CAMK2A: variants seen among roughly 807,000 people sequenced by gnomAD.
CAMK2A encodes calcium/calmodulin dependent protein kinase II alpha.
CAMK2A carries 7 observed loss-of-function variants against 79.2 expected under a neutral mutation model. The observed-to-expected ratio is 0.09, with a 90% confidence interval of 0.05 to 0.17. CAMK2A has a LOEUF of 0.17. CAMK2A is among the 10% of genes least tolerant of loss of function. The pLI is 1.00. For synonymous variants in CAMK2A, 242 were observed against 251.7 expected (o/e 0.96, Z 0.36); for missense variants, 214 against 646.4 (o/e 0.33, Z 7.25).
At position 150,250,675 on chromosome 5, in the gene CAMK2A, G is replaced by A. The variant is rs148502604; in HGVS notation, c.816+13C>T. 446 of 1,613,926 alleles carry A rather than the reference G, an allele frequency of 2.8e-4. 3 individuals carry two copies. Among genetic ancestry groups the A allele is most frequent in the South Asian group, 2.1e-3 (193 of 91,068 alleles). ...AGGGGCTCCTGGGAGAAGTCCTGCT[G>A]AGGAAGGCTCACCGAGATCCAGGGG... On this transcript the variant is annotated intron_variant, in intron 10 of 18. Transcript: ENST00000671881.
In CAMK2A at chr5:150,257,626, G is replaced by T; in HGVS notation, c.218-9C>A. The T allele has an allele frequency of 6.4e-7, 1 of 1,563,344 alleles. No homozygotes were observed. Among genetic ancestry groups the T allele is most frequent in the East Asian group, 2.4e-5 (1 of 41,666 alleles). On this transcript the variant is annotated splice_polypyrimidine_tract_variant and intron_variant, in intron 3 of 18. Coordinates refer to ENST00000671881, the MANE Select transcript of CAMK2A (RefSeq NM_015981.4). ...GCTGTCATGTAGTCGGACTGTGGGC[G>T]GGGCAAGGCAGTTGGTTACAGTGGG...
In CAMK2A at chr5:150,249,553, GTTTT is replaced by G. The variant is rs36099826; in HGVS notation, c.900+669_900+672del. 2.1e-3 allele frequency among the ~76,000 whole-genome samples: 304 copies of G among 145,820 alleles called. 2 individuals carry two copies. The highest frequency in any genetic ancestry group is 7.1e-3 in the African/African-American group (282 of 39,968). ...GGAACACGTTCCCATTCTTTTTTTT[GTTTT>G]TTTTTTTTTGAGACAGAGTCTCTCT... On this transcript the variant is annotated intron_variant, in intron 11 of 18. Coordinates refer to ENST00000671881, the MANE Select transcript of CAMK2A (RefSeq NM_015981.4).
intron 1 of CAMK2A, among the ~76,000 whole-genome samples, chr5:150,282,452 C>T (rs544902601): frequency 6.6e-6 from 1 of 152,328 alleles, no homozygotes; most frequent in South Asian, 2.1e-4. Context: ...AGGGACATGC[C>T]AAGGGGTGAC....
Position 150,286,143 on chromosome 5 carries a change from T to C in CAMK2A, c.62+3421A>G, listed in dbSNP as rs535200476. Among the ~76,000 whole-genome samples, 99 of 152,302 alleles carry C rather than the reference T, an allele frequency of 6.5e-4. 1 individual carries two copies. The Middle Eastern group carries it at 0.014, about 21-fold the overall frequency. ...TCGGTGCCGCTAGGATCTGGGCTTT[T>C]ATTTCTCTCATCCTCAGGAGAGAAG... is the stretch of plus-strand genomic sequence containing the variant. On this transcript the variant is annotated intron_variant, in intron 1 of 18. Transcript: ENST00000671881.
chr5:150,260,678 C>G (rs1360869728), intron 3 of CAMK2A, among the ~76,000 whole-genome samples: 3 of 152,066 alleles, frequency 2.0e-5, no homozygotes, highest in Non-Finnish European at 4.4e-5. Context: ...GTATACAGTC[C>G]TTGAGAAGGC....
At chr5:150,288,443 G>A (rs1757523329) in intron 1 of CAMK2A, among the ~76,000 whole-genome samples, 1 of 152,128 alleles carries the variant, frequency 6.6e-6, no homozygotes, top group Non-Finnish European at 1.5e-5. Flanking sequence ...GCACATGCAT[G>A]AATGCTTGCA....
chr5:150,250,661 G>A (rs772023402), intron 10 of CAMK2A, 27 bp downstream of exon 10: 2 of 1,613,416 alleles, frequency 1.2e-6, no homozygotes. Flanking sequence ...GGGGCTCCTG[G>A]GAGAAGTCCT....
Position 150,289,706 on chromosome 5 carries a change from AC to A in CAMK2A, c.-82del. On this transcript the variant is annotated 5_prime_UTR_variant, in exon 1 of 19. Coordinates refer to ENST00000671881, the MANE Select transcript of CAMK2A (RefSeq NM_015981.4). The stretch of plus-strand genomic sequence containing the variant: ...TGCTGCTCTGCTCCCGAACCTAGGG[AC>A]CACTTGCCTGCCCGTGCTGCCGAGT... 8.7e-7 allele frequency: 1 copy of A among 1,143,394 alleles called. No homozygotes were observed. Among genetic ancestry groups the A allele is most frequent in the Non-Finnish European group, 1.3e-6 (1 of 773,078 alleles). 70.8% of individuals were successfully genotyped at this position (1,143,394 alleles called of 1,614,324 possible).
At chr5:150,261,205 G>A (rs73796385) in intron 3 of CAMK2A, among the ~76,000 whole-genome samples, 4,213 of 148,394 alleles carry the variant, frequency 0.028, 196 homozygotes, top group African/African-American at 0.097. Context: ...CTGGGCAAGG[G>A]GCACATGGGT....
chr5:150,236,541 G>A (rs145535533), intron 15 of CAMK2A, among the ~76,000 whole-genome samples: 1 of 152,346 alleles, frequency 6.6e-6, no homozygotes, highest in East Asian at 1.9e-4. Context: ...GAGAGGTTGA[G>A]TAAGTTGTCT....
chr5:150,240,314 T>C (rs1580909548), intron 13 of CAMK2A, among the ~76,000 whole-genome samples: 1 of 152,128 alleles, frequency 6.6e-6, no homozygotes, highest in Non-Finnish European at 1.5e-5. Flanking sequence ...TTAAACAATA[T>C]CTGCAGGTGA....
At chr5:150,257,526 A>G in intron 4 of CAMK2A, 37 bp downstream of exon 4, 1 of 1,545,100 alleles carries the variant, frequency 6.5e-7, no homozygotes, top group Non-Finnish European at 8.8e-7. Context: ...GGCAGCCCCA[A>G]CACCGTTGGC....
chr5:150,233,881 C>T (rs1221670642), intron 15 of CAMK2A, among the ~76,000 whole-genome samples: 1 of 152,164 alleles, frequency 6.6e-6, no homozygotes, highest in East Asian at 1.9e-4. Flanking sequence ...GGTGTGATCA[C>T]AGCTCACTGC....
intron 7 of CAMK2A, 24 bp from the exon 8 acceptor site, chr5:150,252,089 C>T (rs747495851): frequency 1.3e-6 from 2 of 1,551,784 alleles, no homozygotes; most frequent in Non-Finnish European, 1.8e-6. Flanking sequence ...CACAGACAGG[C>T]AGACACATAC....
At chr5:150,236,986 C>T (rs1365280324) in intron 15 of CAMK2A, among the ~76,000 whole-genome samples, 1 of 152,146 alleles carries the variant, frequency 6.6e-6, no homozygotes, top group South Asian at 2.1e-4. Context: ...AACTCCTGGC[C>T]TCAAGCGATC....
At chr5:150,246,525 T>A (rs1002204529) in intron 12 of CAMK2A, among the ~76,000 whole-genome samples, 1 of 152,176 alleles carries the variant, frequency 6.6e-6, no homozygotes, top group Admixed American at 6.5e-5. Flanking sequence ...TTCAAAAAAA[T>A]TTTTAAAACA....
intron 2 of CAMK2A, chr5:150,265,228 A>C: frequency 1.8e-6 from 1 of 553,088 alleles, no homozygotes; most frequent in South Asian, 2.0e-5. Flanking sequence ...ACTCAAGCAC[A>C]TCCCTCGCCC....
intron 1 of CAMK2A, among the ~76,000 whole-genome samples, chr5:150,283,871 C>T (rs1235840737): frequency 5.3e-5 from 8 of 152,170 alleles, no homozygotes; most frequent in Admixed American, 5.2e-4. Context: ...AGATGTGTTC[C>T]TCTTCTTATA....
Position 150,250,212 on chromosome 5 carries a change from T to C in CAMK2A, c.900+14A>G. The C allele has an allele frequency of 6.2e-7, 1 of 1,606,996 alleles. No individual in the cohort carries two copies. The highest frequency in any genetic ancestry group is 8.5e-7 in the Non-Finnish European group (1 of 1,173,696). On this transcript the variant is annotated intron_variant, in intron 11 of 18. Coordinates refer to ENST00000671881, the MANE Select transcript of CAMK2A (RefSeq NM_015981.4). ...GTCCCATGGCCAGGACTGTGGAGGG[T>C]GAGGACCTGTTACCTTCAGTTTCCT...
Sources: gnomAD v4.1 joint callset for allele counts (sites outside exome capture counted in the v4.1 genomes callset) on GRCh38, gnomAD v4.1.1 for gene constraint, MANE v1.5 for transcripts, NCBI Gene and HGNC (gene_info 2026-07-23, HGNC 2026-07-21) for gene names.